SLX9: variants seen among roughly 807,000 people sequenced by gnomAD.
SLX9 encodes the protein SLX9 ribosome biogenesis factor, also known as ribosome biogenesis protein SLX9 homolog.
Under a neutral mutation model 20.8 loss-of-function variants are expected in SLX9, and 19 were observed. The ratio of observed to expected loss-of-function variants is 0.91; its 90% CI spans 0.64 to 1.34. SLX9 has a LOEUF of 1.34. Among genes scored for constraint, SLX9 ranks in the 40% most tolerant of loss-of-function variants. SLX9 has a pLI of 0.00. For missense variants in SLX9, 299 were observed against 322.2 expected, an observed-to-expected ratio of 0.93 and a Z score of 0.55; for synonymous variants, 113 against 137.1, an observed-to-expected ratio of 0.82 and a Z score of 1.23.
chr21:44,940,377 G>A (rs2084519551), intron 1 of SLX9, among the ~76,000 whole-genome samples, 191 bp downstream of exon 1: 2 of 152,234 alleles, frequency 1.3e-5, no homozygotes, highest in African/African-American at 4.8e-5. Flanking sequence ...CTGCGCTGCC[G>A]TCCTGGGCAC....
intron 1 of SLX9, among the ~76,000 whole-genome samples, chr21:44,943,481 C>A (rs561704788): frequency 6.6e-6 from 1 of 152,150 alleles, no homozygotes; most frequent in Non-Finnish European, 1.5e-5. Flanking sequence ...TGGGCCTGGG[C>A]GCTGCGGGTC....
intron 5 of SLX9, among the ~76,000 whole-genome samples, chr21:44,975,455 T>C (rs1010609264): frequency 2.6e-5 from 4 of 152,192 alleles, no homozygotes; most frequent in Admixed American, 6.5e-5. Flanking sequence ...TCCCATAGTG[T>C]CTAAACTCAG....
chr21:44,943,621 C>T, intron 1 of SLX9, 63 bp from the exon 2 acceptor site: 2 of 1,593,784 alleles, frequency 1.3e-6, no homozygotes, highest in Non-Finnish European at 8.6e-7. Flanking sequence ...TTTAACGTCC[C>T]TCTGAAACCA....
In SLX9 at chr21:44,960,216, C is replaced by T. The variant is rs751513301; in HGVS notation, c.352+48C>T. On this transcript the variant is annotated intron_variant, in intron 3 of 5. Transcript: ENST00000291634. ...AGGCAGCTGCCGGCCCAAGTCCCAT[C>T]CCGTGGGCCCTCCTATTCCTACAGC... 6.5e-6 allele frequency: 10 copies of T among 1,538,936 alleles called. No individual in the cohort carries two copies. The South Asian group carries it at 6.7e-5, about 10-fold the overall frequency.
intron 2 of SLX9, 34 bp downstream of exon 2, chr21:44,943,871 C>G (rs1021438732): frequency 6.2e-7 from 1 of 1,613,480 alleles, no homozygotes; most frequent in African/African-American, 1.3e-5. Context: ...CATGCTGATA[C>G]CCAGCAGGTC....
At chr21:44,953,576 G>A (rs1321252411) in intron 2 of SLX9, among the ~76,000 whole-genome samples, 2 of 152,106 alleles carry the variant, frequency 1.3e-5, no homozygotes, top group South Asian at 2.1e-4. Flanking sequence ...TCCGGGCCTC[G>A]GGAGCCTGTC....
chr21:44,971,119 A>AC (rs1264662638), intron 4 of SLX9, among the ~76,000 whole-genome samples: 10 of 144,832 alleles, frequency 6.9e-5, no homozygotes, highest in Admixed American at 1.4e-4. Flanking sequence ...TCGGGAGGGG[A>AC]CCCCCCATGC....
rs536405035 is a variant in SLX9, at chr21:44,941,062, ACTTT to A, written c.129+883_129+886del. ...TTTTTTTTGACTCCAGAATTTATTT[ACTTT>A]CTTTCTCTTCTCCTGTTCCTCCTCA... On this transcript the variant is annotated intron_variant, in intron 1 of 5. Coordinates refer to ENST00000291634, the MANE Select transcript of SLX9 (RefSeq NM_058190.4). 5.1e-4 allele frequency among the ~76,000 whole-genome samples: 77 copies of A among 152,164 alleles called. 1 individual carries two copies. The South Asian group carries it at 0.015, about 30-fold the overall frequency.
rs374466447 is a variant in SLX9, at chr21:44,943,782, C to T, written c.228C>T (p.Ser76=). Residue 76 remains serine (S), a synonymous_variant, in exon 2 of 6, where the codon TCC becomes TCT. Transcript: ENST00000291634. ...AGCTGGACGTGAGGAGTGTCACTTC[C>T]GTCAGGAGAGGTGAGGCAGGCTCGA... ...KLELDVRSVT[S]VRRGEAGSSA... 12 of 1,613,996 alleles carry T rather than the reference C, an allele frequency of 7.4e-6. No individual in the cohort carries two copies. Among genetic ancestry groups the T allele is most frequent in the Admixed American group, 1.7e-5 (1 of 60,002 alleles).
At position 44,952,469 on chromosome 21, in the gene SLX9, C is replaced by T. The variant is rs1246253976; in HGVS notation, c.284-7631C>T. ...GGCCTGGCCTGGGGATTCCCGGGGCCGCCTTCCATCACCAGAAGGTTGGCC... is the reference window on the plus strand; with the variant it reads ...GGCCTGGCCTGGGGATTCCCGGGGCTGCCTTCCATCACCAGAAGGTTGGCC... On this transcript the variant is annotated intron_variant, in intron 2 of 5. Coordinates refer to ENST00000291634, the MANE Select transcript of SLX9 (RefSeq NM_058190.4). Among the ~76,000 whole-genome samples the T allele has an allele frequency of 6.6e-5, 10 of 152,370 alleles. No homozygotes were observed. The East Asian group carries it at 7.7e-4, about 12-fold the overall frequency.
intron 2 of SLX9, among the ~76,000 whole-genome samples, chr21:44,953,363 C>T (rs2084794066): frequency 6.6e-6 from 1 of 152,100 alleles, no homozygotes; most frequent in Non-Finnish European, 1.5e-5. Flanking sequence ...TAGCTGAACC[C>T]ACCAAGAGCT....
Position 44,967,085 on chromosome 21 carries a change from G to A in SLX9, c.404G>A (p.Arg135Gln), listed in dbSNP as rs750174593. 44 of 1,611,574 alleles carry A rather than the reference G, an allele frequency of 2.7e-5. No individual in the cohort carries two copies. Among genetic ancestry groups the A allele is most frequent in the African/African-American group, 1.1e-4 (8 of 74,870 alleles). Residue 135 changes from arginine to glutamine, a missense_variant, in exon 4 of 6, where the codon CGG becomes CAG. Arg to Gln is a conservative substitution (Grantham distance 43). Coordinates refer to ENST00000291634, the MANE Select transcript of SLX9 (RefSeq NM_058190.4). ...CAGAAGCACAGGGAGGAGCGGAGGC[G>A]GAGGGCCACGGTGGTGGTGGGGGAC... ...AEQKHREERRRRATVVVGDLH... is the reference protein window; with the variant it reads ...AEQKHREERRQRATVVVGDLH...
intron 3 of SLX9, among the ~76,000 whole-genome samples, chr21:44,960,624 C>T (rs1456625407): frequency 6.6e-6 from 1 of 152,232 alleles, no homozygotes; most frequent in South Asian, 2.1e-4. Context: ...CCAGGCCTTG[C>T]CCGCGGTGAA....
At chr21:44,970,048 AC>A (rs1197893051) in intron 4 of SLX9, among the ~76,000 whole-genome samples, 2 of 151,752 alleles carry the variant, frequency 1.3e-5, no homozygotes, top group African/African-American at 4.9e-5. Flanking sequence ...TATTGGGCAC[AC>A]CCTGTCACCT....
At chr21:44,972,372 C>A (rs1038578462) in intron 4 of SLX9, among the ~76,000 whole-genome samples, 1 of 152,214 alleles carries the variant, frequency 6.6e-6, no homozygotes, top group African/African-American at 2.4e-5. Context: ...GTGAGAAGCT[C>A]CGCGGGCAGC....
upstream of SLX9, chr21:44,939,781 C>T (rs1181459823): frequency 1.8e-6 from 1 of 551,068 alleles, no homozygotes; most frequent in East Asian, 3.7e-5. Context: ...TTGGACGCAA[C>T]CCCGGGCTTG....
chr21:44,940,128 C>G lies in SLX9; in HGVS notation c.71C>G (p.Pro24Arg). ...AAVRPKGEAA[P>R]GPAPPAPEAT... ...GTGAGGCCGAAAGGGGAGGCCGCCC[C>G]CGGCCCCGCGCCCCCTGCCCCGGAG... The change falls in exon 1 of 6, where the codon CCC becomes CGC. Residue 24 changes from proline to arginine, a missense_variant. Pro to Arg is a moderately radical substitution (Grantham distance 103, BLOSUM62 -2). Transcript: ENST00000291634. 7.3e-7 allele frequency: 1 copy of G among 1,363,344 alleles called. No individual in the cohort carries two copies. Among genetic ancestry groups the G allele is most frequent in the Non-Finnish European group, 9.5e-7 (1 of 1,050,970 alleles). 84.5% of individuals were successfully genotyped at this position (1,363,344 alleles called of 1,614,324 possible).
intron 4 of SLX9, among the ~76,000 whole-genome samples, chr21:44,968,250 A>G (rs896219103): frequency 2.0e-5 from 3 of 151,202 alleles, no homozygotes; most frequent in Non-Finnish European, 4.4e-5. Flanking sequence ...CCGGTGACGC[A>G]ACCCCCAGTG....
At chr21:44,966,516 C>T (rs1226729160) in intron 3 of SLX9, among the ~76,000 whole-genome samples, 1 of 152,182 alleles carries the variant, frequency 6.6e-6, no homozygotes, top group East Asian at 1.9e-4. Context: ...CAGACCCTGC[C>T]CAAATCCCTT....
Sources: allele counts gnomAD v4.1 joint callset (sites outside exome capture counted in the v4.1 genomes callset), GRCh38; gene constraint gnomAD v4.1.1; transcripts MANE v1.5; gene names NCBI Gene and HGNC (gene_info 2026-07-23, HGNC 2026-07-21).